The following RAD51B variants were observed in gnomAD, a reference collection of about 807,000 sequenced individuals.
RAD51B encodes the protein RAD51 paralog B, also known as DNA repair protein RAD51 homolog 2.
A neutral mutation model predicts 42.2 loss-of-function variants in RAD51B; 38 were observed. That is an observed-to-expected ratio of 0.90 (90% confidence interval 0.70 to 1.18). The LOEUF (loss-of-function observed/expected upper bound fraction) is 1.18. RAD51B is among the 50% of genes most tolerant of loss of function. The pLI is 0.00. For missense variants in RAD51B, 373 were observed against 400.7 expected (o/e 0.93, Z 0.59); for synonymous variants, 154 against 145.2 (o/e 1.06, Z -0.43).
At chr14:68,111,873 T>A (rs1192199041) in intron 7 of RAD51B, among the ~76,000 whole-genome samples, 1 of 152,122 alleles carries the variant, frequency 6.6e-6, no homozygotes, top group African/African-American at 2.4e-5. Context: ...TTGTACTTTG[T>A]GCTTTCCAGG....
intron 7 of RAD51B, among the ~76,000 whole-genome samples, chr14:68,039,124 A>T (rs1399877258): frequency 2.6e-5 from 4 of 152,172 alleles, no homozygotes; most frequent in Admixed American, 6.5e-5. Flanking sequence ...TGTTAATAAC[A>T]CATATTAAAA....
intron 7 of RAD51B, among the ~76,000 whole-genome samples, chr14:68,205,071 T>C (rs2079559032): frequency 6.6e-6 from 1 of 152,156 alleles, no homozygotes; most frequent in African/African-American, 2.4e-5. Context: ...TCTGAGACCA[T>C]GAGTTATTTT....
intron 8 of RAD51B, among the ~76,000 whole-genome samples, chr14:68,350,851 G>C (rs971519645): frequency 6.6e-6 from 1 of 152,180 alleles, no homozygotes; most frequent in Non-Finnish European, 1.5e-5. Context: ...AATTACATCT[G>C]TTTGACTTCT....
chr14:68,454,585 G>T (rs2085637642), intron 9 of RAD51B, among the ~76,000 whole-genome samples: 2 of 152,182 alleles, frequency 1.3e-5, no homozygotes, highest in South Asian at 4.1e-4. Flanking sequence ...CCACTGGAGA[G>T]GATAGAACAG....
At chr14:67,888,467 C>T (rs1215599910) in intron 7 of RAD51B, among the ~76,000 whole-genome samples, 1 of 152,002 alleles carries the variant, frequency 6.6e-6, no homozygotes, top group African/African-American at 2.4e-5. Flanking sequence ...GTAGTGTGCC[C>T]CTGCAGTCTC....
chr14:68,194,117 G>A (rs2079320509), intron 7 of RAD51B, among the ~76,000 whole-genome samples: 1 of 152,170 alleles, frequency 6.6e-6, no homozygotes, highest in Admixed American at 6.5e-5. Context: ...ATCACTTGAG[G>A]AACATTTCAA....
intron 4 of RAD51B, among the ~76,000 whole-genome samples, chr14:67,853,856 A>G (rs1016790871): frequency 1.3e-5 from 2 of 152,234 alleles, no homozygotes; most frequent in South Asian, 4.1e-4. Flanking sequence ...TTACATATTC[A>G]GTTACAACAC....
At chr14:68,293,810 A>G (rs7140939) in intron 8 of RAD51B, among the ~76,000 whole-genome samples, 78,517 of 152,040 alleles carry the variant, frequency 0.52, 21,781 homozygotes, top group Admixed American at 0.64. Context: ...TTTTCTGCCT[A>G]AATTGGCAGA....
At chr14:67,942,915 C>A (rs554241910) in intron 7 of RAD51B, among the ~76,000 whole-genome samples, 18 of 152,174 alleles carry the variant, frequency 1.2e-4, no homozygotes, top group African/African-American at 4.3e-4. Flanking sequence ...AGATTATATA[C>A]CCATTTTATG....
intron 7 of RAD51B, among the ~76,000 whole-genome samples, chr14:68,222,655 T>TC (rs1482282674): frequency 6.6e-6 from 1 of 152,052 alleles, no homozygotes; most frequent in Non-Finnish European, 1.5e-5. Flanking sequence ...ACACCTCTGT[T>TC]CCCCAAAAAC....
rs1023474735 is a variant in RAD51B at position 68,167,549 on chromosome 14, A to G, written c.757-124335A>G. On this transcript the variant is annotated intron_variant, in intron 7 of 10. Transcript: ENST00000471583. ...AGAGGTAGCACTTGGTAGATTGATT[A>G]GATAGTGGGTGGAGTAAAATTCTAT... Among the ~76,000 whole-genome samples, 22 of 152,260 alleles carry G rather than the reference A, an allele frequency of 1.4e-4. 1 individual carries two copies. Among genetic ancestry groups the G allele is most frequent in the African/African-American group, 5.3e-4 (22 of 41,566 alleles).
At chr14:68,084,607 A>C (rs935607360) in intron 7 of RAD51B, among the ~76,000 whole-genome samples, 1 of 152,190 alleles carries the variant, frequency 6.6e-6, no homozygotes, top group Non-Finnish European at 1.5e-5. Flanking sequence ...AATATTTGTA[A>C]TCATGAGGAG....
At chr14:67,891,610 T>C (rs997763795) in intron 7 of RAD51B, among the ~76,000 whole-genome samples, 29 of 152,048 alleles carry the variant, frequency 1.9e-4, no homozygotes, top group Admixed American at 1.3e-4. Context: ...AATTTTTTTT[T>C]CCTCTTTTTA....
At chr14:68,252,034 A>G (rs918793412) in intron 7 of RAD51B, among the ~76,000 whole-genome samples, 10 of 152,308 alleles carry the variant, frequency 6.6e-5, no homozygotes, top group Non-Finnish European at 7.4e-5. Flanking sequence ...CACAGCCAAT[A>G]GCCTTTCTTT....
chr14:68,254,817 A>G lies in RAD51B; in HGVS notation c.757-37067A>G, dbSNP rs574859199. On this transcript the variant is annotated intron_variant, in intron 7 of 10. Coordinates refer to ENST00000471583, the MANE Select transcript of RAD51B (RefSeq NM_133510.4). ...GGGATCCATGATAAACACTGTGAAG[A>G]GTTCTTGTCTGTTTGAATACAAGGC... Among the ~76,000 whole-genome samples the G allele has an allele frequency of 5.6e-4, 85 of 152,324 alleles. 1 individual carries two copies. Among genetic ancestry groups the G allele is most frequent in the South Asian group, 2.1e-3 (10 of 4,832 alleles).
intron 10 of RAD51B, among the ~76,000 whole-genome samples, chr14:68,518,142 T>C (rs1886289180): frequency 6.6e-6 from 1 of 152,184 alleles, no homozygotes; most frequent in Non-Finnish European, 1.5e-5. Flanking sequence ...CCTGTGAGCA[T>C]TGTATTGCCG....
In RAD51B at chr14:68,253,276, CTGTAGCTTTTTTTTTCA is replaced by C. The variant is rs2080679197; in HGVS notation, c.757-38603_757-38587del. Among the ~76,000 whole-genome samples the C allele has an allele frequency of 2.0e-5, 3 of 152,156 alleles. No homozygotes were observed. In the South Asian group the frequency reaches 6.2e-4, roughly 32 times the overall value. On this transcript the variant is annotated intron_variant, in intron 7 of 10. Transcript: ENST00000471583. ...ATTAACAAAATTGGTATCATGCCAT[CTGTAGCTTTTTTTTTCA>C]TGTAACATTATACTTAAGATATTTC...
chr14:68,550,489 A>G (rs1284677303), intron 10 of RAD51B, among the ~76,000 whole-genome samples: 1 of 152,244 alleles, frequency 6.6e-6, no homozygotes, highest in Non-Finnish European at 1.5e-5. Context: ...GTCACAGCTT[A>G]CAGAATCTTC....
intron 7 of RAD51B, among the ~76,000 whole-genome samples, chr14:68,029,947 G>A (rs2076015416): frequency 6.6e-6 from 1 of 152,202 alleles, no homozygotes; most frequent in Non-Finnish European, 1.5e-5. Context: ...ATCTCTATTA[G>A]AGCTCTTGGT....
Sources: gnomAD v4.1 joint callset for allele counts (sites outside exome capture counted in the v4.1 genomes callset) on GRCh38, gnomAD v4.1.1 for gene constraint, MANE v1.5 for transcripts, NCBI Gene and HGNC (gene_info 2026-07-23, HGNC 2026-07-21) for gene names.